Variants in DISC1 observed in about 807,000 individuals in gnomAD.
The protein encoded by DISC1 is disrupted in schizophrenia 1 protein.
A neutral mutation model predicts 84.5 loss-of-function variants in DISC1; 57 were observed. The observed-to-expected ratio is 0.67, with a 90% CI of 0.55 to 0.84. The LOEUF (loss-of-function observed/expected upper bound fraction) is 0.84. Among genes scored for constraint, DISC1 ranks in the 40% least tolerant of loss-of-function variants. DISC1 has a pLI of 0.00. For missense variants in DISC1, 1,000 were observed against 1,057.8 expected, an observed-to-expected ratio of 0.95 and a Z score of 0.76; for synonymous variants, 411 against 415.2, an observed-to-expected ratio of 0.99 and a Z score of 0.12.
In DISC1 at chr1:231,693,962, A is replaced by C. The variant is rs1381832203; in HGVS notation, c.204A>C (p.Pro68=). ...CAGTGGGCACACTGTTCCGGTTCCC[A>C]GGAGGGGTGTCTGGCGAGGAGTCCC... ...SPAVGTLFRF[P]GGVSGEESHH... is the part of the protein sequence containing the mutation. Residue 68 remains proline, a synonymous_variant, in exon 2 of 13, where the codon CCA becomes CCC. Transcript: ENST00000439617. 1.2e-6 allele frequency: 2 copies of C among 1,614,068 alleles called. No homozygotes were observed. Among genetic ancestry groups the C allele is most frequent in the Non-Finnish European group, 8.5e-7 (1 of 1,179,972 alleles).
chr1:231,917,863 C>G (rs1160709769), intron 9 of DISC1, among the ~76,000 whole-genome samples: 1 of 152,226 alleles, frequency 6.6e-6, no homozygotes, highest in African/African-American at 2.4e-5. Flanking sequence ...TTCACCTGTA[C>G]ATGTTATCAC....
chr1:231,669,142 G>A (rs2062320658), intron 1 of DISC1, among the ~76,000 whole-genome samples: 1 of 152,210 alleles, frequency 6.6e-6, no homozygotes, highest in Non-Finnish European at 1.5e-5. Context: ...GGGAGCAAAG[G>A]AGAGTTAATA....
chr1:231,684,071 T>G (rs1174584001), intron 1 of DISC1, among the ~76,000 whole-genome samples: 1 of 152,096 alleles, frequency 6.6e-6, no homozygotes, highest in Non-Finnish European at 1.5e-5. Context: ...CTTGTTGACA[T>G]GTCTGTCTTC....
chr1:231,911,570 T>A (rs1176355719), intron 9 of DISC1, among the ~76,000 whole-genome samples: 1 of 152,244 alleles, frequency 6.6e-6, no homozygotes, highest in East Asian at 1.9e-4. Context: ...CTTCCCTTTG[T>A]GGGTAACCTG....
Position 231,698,573 on chromosome 1 carries a change from C to T in DISC1, c.1048-3382C>T, listed in dbSNP as rs574052277. ...ACTGGGGCTGTGCCTCCAGCAAAGA[C>T]GGGTATTCAGACATATCTCAGGGCA... On this transcript the variant is annotated intron_variant, in intron 2 of 12. Transcript: ENST00000439617. The surrounding 1 kb of genome is among the most constrained non-coding windows in gnomAD (Gnocchi z 4.9). Among the ~76,000 whole-genome samples, 7 of 152,208 alleles carry T rather than the reference C, an allele frequency of 4.6e-5. No homozygotes were observed. The highest frequency in any genetic ancestry group is 2.1e-4 in the South Asian group (1 of 4,816).
At chr1:231,854,787 G>T (rs1348306547) in intron 9 of DISC1, 1 of 242,804 alleles carries the variant, frequency 4.1e-6, no homozygotes, top group Non-Finnish European at 9.0e-6. Context: ...GTACGATCTT[G>T]CTCACTGCAA....
intron 6 of DISC1, among the ~76,000 whole-genome samples, chr1:231,790,828 C>T (rs1344757511): frequency 6.6e-6 from 1 of 152,160 alleles, no homozygotes; most frequent in African/African-American, 2.4e-5. Context: ...TTCCACATCT[C>T]TCCTTATAAT....
At chr1:231,963,119 G>C (rs1301886906) in intron 10 of DISC1, among the ~76,000 whole-genome samples, 2 of 152,080 alleles carry the variant, frequency 1.3e-5, no homozygotes, top group Non-Finnish European at 2.9e-5. Context: ...TAAGCATAAA[G>C]CCTAAATGCC....
At chr1:231,838,877 G>T (rs940963634) in intron 9 of DISC1, among the ~76,000 whole-genome samples, 1 of 152,180 alleles carries the variant, frequency 6.6e-6, no homozygotes. Context: ...CATGTTGAGC[G>T]CCTCTCAGGT....
intron 9 of DISC1, among the ~76,000 whole-genome samples, chr1:231,864,767 G>A (rs1446696475): frequency 6.6e-6 from 1 of 152,178 alleles, no homozygotes; most frequent in African/African-American, 2.4e-5. Flanking sequence ...TAGATGTTAA[G>A]AAGGCTTCCT....
rs139298170 is a variant in DISC1 at position 231,960,413 on chromosome 1, C to T, written c.2042+1525C>T. 5.7e-3 allele frequency among the ~76,000 whole-genome samples: 865 copies of T among 152,184 alleles called. 21 individuals carry two copies. The highest frequency in any genetic ancestry group is 0.045 in the Admixed American group (686 of 15,272). On this transcript the variant is annotated intron_variant, in intron 10 of 12. Transcript: ENST00000439617. ...GGATTACAGGCAGTGCCACCATGCC[C>T]GGCTCATTTTTTTATATTTAGTGGA...
At chr1:231,728,394 C>T (rs932096737) in intron 3 of DISC1, among the ~76,000 whole-genome samples, 2 of 152,218 alleles carry the variant, frequency 1.3e-5, no homozygotes, top group African/African-American at 4.8e-5. Flanking sequence ...GGCACAATCG[C>T]CCACTGTCTT....
At chr1:231,658,393 T>G (rs1399061273) in intron 1 of DISC1, among the ~76,000 whole-genome samples, 1 of 152,094 alleles carries the variant, frequency 6.6e-6, no homozygotes, top group Non-Finnish European at 1.5e-5. Context: ...GATGATGGGG[T>G]TTTCTAGATA....
chr1:232,039,790 A>G lies in DISC1; in HGVS notation c.*2959A>G, dbSNP rs1171496388. 1 of 152,162 alleles carries G rather than the reference A, an allele frequency of 6.6e-6. No individual in the cohort carries two copies. Among genetic ancestry groups the G allele is most frequent in the Non-Finnish European group, 1.5e-5 (1 of 68,042 alleles). The allele number at this position is 152,162 out of a possible 1,614,324, so 9.4% of individuals were successfully genotyped here. A position where few individuals can be genotyped will look rare whatever the true frequency, so the allele number is the denominator to read the frequency against. ...TGGAAATTTATGTTGGCGATAGCCA[A>G]GACCACAAGCAAAAGCACATACTGG... On this transcript the variant is annotated 3_prime_UTR_variant, in exon 13 of 13. Coordinates refer to ENST00000439617, the MANE Select transcript of DISC1 (RefSeq NM_018662.3).
intron 11 of DISC1, among the ~76,000 whole-genome samples, chr1:232,023,455 T>C (rs958395777): frequency 2.0e-5 from 3 of 152,214 alleles, no homozygotes; most frequent in Non-Finnish European, 4.4e-5. Flanking sequence ...TTATTTCAAT[T>C]TAAATGAACA....
At chr1:231,893,549 T>C (rs144224987) in intron 9 of DISC1, among the ~76,000 whole-genome samples, 80 of 152,360 alleles carry the variant, frequency 5.3e-4, no homozygotes, top group Non-Finnish European at 9.6e-4. Flanking sequence ...TTCTTGCTCA[T>C]GGACTTGTGC....
intron 10 of DISC1, among the ~76,000 whole-genome samples, chr1:231,991,872 T>C (rs985411885): frequency 6.6e-6 from 1 of 152,166 alleles, no homozygotes; most frequent in African/African-American, 2.4e-5. Flanking sequence ...ATATGTCCTT[T>C]AGTTAGTTTT....
At chr1:231,726,526 C>G (rs999224082) in intron 3 of DISC1, among the ~76,000 whole-genome samples, 3 of 152,138 alleles carry the variant, frequency 2.0e-5, no homozygotes, top group Non-Finnish European at 4.4e-5. Flanking sequence ...AGTCTATCTC[C>G]CTGGACAGGT....
chr1:231,939,111 G>A (rs942051807), intron 9 of DISC1, among the ~76,000 whole-genome samples: 1 of 152,098 alleles, frequency 6.6e-6, no homozygotes, highest in Non-Finnish European at 1.5e-5. Context: ...TTACCACTTT[G>A]CTTATTATTA....
Sources: gnomAD v4.1 joint callset for allele counts (sites outside exome capture counted in the v4.1 genomes callset) on GRCh38, gnomAD v4.1.1 for gene constraint, Gnocchi (gnomAD v3.1) non-coding constraint, MANE v1.5 for transcripts, NCBI Gene and HGNC (gene_info 2026-07-23, HGNC 2026-07-21) for gene names.